Variants in ERC1 observed in about 807,000 individuals in gnomAD.
ERC1 encodes the protein RAB6 interacting protein 2.
Under a neutral mutation model 132.0 loss-of-function variants are expected in ERC1, and 56 were observed. That is an observed-to-expected ratio of 0.42 (90% CI 0.34 to 0.53). The LOEUF (loss-of-function observed/expected upper bound fraction) is 0.53. Ranked by LOEUF, ERC1 falls within the 20% of genes least tolerant of loss-of-function variation. The probability of loss-of-function intolerance (pLI) is 0.03; values close to 1 mark genes in which losing one functional copy is unlikely to be tolerated. For missense variants in ERC1, 1,202 were observed against 1,349.9 expected, an observed-to-expected ratio of 0.89 and a Z score of 1.72; for synonymous variants, 478 against 476.1, an observed-to-expected ratio of 1.00 and a Z score of -0.05.
chr12:990,231 A>AT (rs1959168874), upstream of ERC1: 1 of 152,138 alleles, frequency 6.6e-6, no homozygotes, highest in African/African-American at 2.4e-5. Context: ...GACACCGAAA[A>AT]TTATTTTAAT....
At chr12:1,183,176 C>A in intron 10 of ERC1, 105 bp from the exon 11 acceptor site, 1 of 620,230 alleles carries the variant, frequency 1.6e-6, no homozygotes. Context: ...AGTATGTCAG[C>A]ATTTGGTAAT....
chr12:1,356,221 T>A (rs1458371121), intron 15 of ERC1, among the ~76,000 whole-genome samples: 209 of 134,354 alleles, frequency 1.6e-3, no homozygotes, highest in Middle Eastern at 4.4e-3. Context: ...AAAGTGTGTG[T>A]GTGTGTGTGT....
At chr12:1,364,736 G>C (rs892888546) in intron 15 of ERC1, among the ~76,000 whole-genome samples, 3 of 152,164 alleles carry the variant, frequency 2.0e-5, no homozygotes, top group Non-Finnish European at 4.4e-5. Context: ...TTGGCACTTA[G>C]CATTTATTGT....
chr12:992,066 C>G (rs75374054), intron 1 of ERC1, among the ~76,000 whole-genome samples: 24 of 152,162 alleles, frequency 1.6e-4, no homozygotes, highest in African/African-American at 5.8e-4. Flanking sequence ...AAGTTTTACA[C>G]CGAAGAAGAG....
intron 12 of ERC1, among the ~76,000 whole-genome samples, chr12:1,225,568 A>G (rs1279209260): frequency 6.6e-6 from 1 of 152,178 alleles, no homozygotes; most frequent in Non-Finnish European, 1.5e-5. Flanking sequence ...TAAAAACACC[A>G]TAACCTAGTT....
At chr12:1,110,709 C>T (rs536897610) in intron 5 of ERC1, among the ~76,000 whole-genome samples, 48 of 152,130 alleles carry the variant, frequency 3.2e-4, no homozygotes, top group African/African-American at 1.0e-3. Flanking sequence ...AAGTCAAAAC[C>T]CTAAGAGGCT....
chr12:1,161,589 G>A (rs900614729), intron 8 of ERC1, among the ~76,000 whole-genome samples: 1 of 152,134 alleles, frequency 6.6e-6, no homozygotes, highest in African/African-American at 2.4e-5. Context: ...TGTTAATTTA[G>A]GAAGCAGTTG....
chr12:1,293,808 T>G (rs1190216688), intron 15 of ERC1, among the ~76,000 whole-genome samples: 1 of 152,202 alleles, frequency 6.6e-6, no homozygotes, highest in Non-Finnish European at 1.5e-5. Context: ...AAGAGCATGT[T>G]TACTCTTCAC....
At chr12:1,448,096 G>T (rs1298160845) in intron 18 of ERC1, among the ~76,000 whole-genome samples, 1 of 152,210 alleles carries the variant, frequency 6.6e-6, no homozygotes, top group Non-Finnish European at 1.5e-5. Flanking sequence ...TTTTCAGCAA[G>T]TTTTGAGTGA....
intron 8 of ERC1, among the ~76,000 whole-genome samples, chr12:1,150,638 G>A (rs566418182): frequency 1.3e-5 from 2 of 152,256 alleles, no homozygotes; most frequent in Non-Finnish European, 2.9e-5. Flanking sequence ...GACAGTATGT[G>A]TACTTGATAT....
intron 13 of ERC1, among the ~76,000 whole-genome samples, chr12:1,258,975 T>C (rs1198888012): frequency 6.6e-6 from 1 of 152,224 alleles, no homozygotes; most frequent in Non-Finnish European, 1.5e-5. Flanking sequence ...TATTTAGATA[T>C]CAGTTATCTA....
At chr12:1,390,668 A>G (rs2089881525) in intron 16 of ERC1, 1 of 152,242 alleles carries the variant, frequency 6.6e-6, no homozygotes, top group Non-Finnish European at 1.5e-5. Context: ...CACCACCAAA[A>G]TAAAACTGTG....
At chr12:1,280,451 T>A (rs1401622729) in intron 14 of ERC1, among the ~76,000 whole-genome samples, 1 of 152,216 alleles carries the variant, frequency 6.6e-6, no homozygotes, top group African/African-American at 2.4e-5. Flanking sequence ...AAAGATGCAT[T>A]AAAATTAATG....
At chr12:1,237,001 T>C in intron 13 of ERC1, 97 bp downstream of exon 13, 1 of 1,434,128 alleles carries the variant, frequency 7.0e-7, no homozygotes, top group Non-Finnish European at 9.5e-7. Flanking sequence ...CTCTTTTTTC[T>C]CTTTCTAACC....
rs572211781 is a variant in ERC1 at position 1,332,298 on chromosome 12, G to A, written c.2781-39535G>A. ...GCTGTATCTGTTTTGTAGCTTTAGC[G>A]TCTTCTTGGATTTCTCTTAAGAAAT... is the stretch of plus-strand genomic sequence containing the variant. On this transcript the variant is annotated intron_variant, in intron 15 of 18. Transcript: ENST00000360905. Among the ~76,000 whole-genome samples the A allele has an allele frequency of 9.9e-5, 15 of 152,182 alleles. 1 individual carries two copies. The highest frequency in any genetic ancestry group is 2.6e-4 in the Admixed American group (4 of 15,286).
At chr12:1,063,900 C>T (rs1205390411) in intron 2 of ERC1, among the ~76,000 whole-genome samples, 7 of 152,104 alleles carry the variant, frequency 4.6e-5, no homozygotes, top group Admixed American at 2.0e-4. Flanking sequence ...TATGTGTTTT[C>T]GTGATGATAC....
intron 18 of ERC1, among the ~76,000 whole-genome samples, chr12:1,471,946 C>G (rs1241133067): frequency 6.6e-6 from 1 of 152,226 alleles, no homozygotes; most frequent in Non-Finnish European, 1.5e-5. Flanking sequence ...ATCTATCAGT[C>G]TAACCTGTGT....
intron 7 of ERC1, among the ~76,000 whole-genome samples, chr12:1,138,203 GAT>G (rs1236337799): frequency 2.2e-5 from 2 of 90,966 alleles, no homozygotes; most frequent in African/African-American, 6.3e-5. Context: ...AATTATATAT[GAT>G]ATATATTATA....
chr12:1,420,400 T>C (rs981652551), intron 17 of ERC1, among the ~76,000 whole-genome samples: 4 of 152,138 alleles, frequency 2.6e-5, no homozygotes, highest in Non-Finnish European at 4.4e-5. Context: ...GATTTTTCCT[T>C]TAAAAAAAAA....
Sources: allele counts gnomAD v4.1 joint callset (sites outside exome capture counted in the v4.1 genomes callset), GRCh38; gene constraint gnomAD v4.1.1; transcripts MANE v1.5; gene names NCBI Gene and HGNC (gene_info 2026-07-23, HGNC 2026-07-21).